The following CPEB1 variants were observed in gnomAD, a reference collection of about 807,000 sequenced individuals.
CPEB1 encodes the protein cytoplasmic polyadenylation element binding protein 1.
CPEB1 carries 7 observed loss-of-function variants against 65.8 expected under a neutral mutation model. The ratio of observed to expected loss-of-function variants is 0.11; its 90% CI spans 0.06 to 0.20. The LOEUF (loss-of-function observed/expected upper bound fraction) is 0.20. Ranked by LOEUF, CPEB1 falls within the 10% of genes least tolerant of loss-of-function variation. The pLI is 1.00. For missense variants in CPEB1, 551 were observed against 712.2 expected (o/e 0.77, Z 2.58); for synonymous variants, 262 against 260.0 (o/e 1.01, Z -0.08).
intron 3 of CPEB1, among the ~76,000 whole-genome samples, chr15:82,583,693 G>A (rs755678184): frequency 4.6e-5 from 7 of 152,092 alleles, no homozygotes; most frequent in African/African-American, 9.7e-5. Flanking sequence ...TATAAAATAG[G>A]CACCTATTTA....
At chr15:82,578,800 TAA>T (rs1315009862) in intron 3 of CPEB1, among the ~76,000 whole-genome samples, 1 of 152,052 alleles carries the variant, frequency 6.6e-6, no homozygotes, top group African/African-American at 2.4e-5. Context: ...ATTCCAGCAA[TAA>T]GTCAGTCATA....
rs1333655026 is a variant in CPEB1 at position 82,544,404 on chromosome 15, C to T, written c.*188G>A. ...CTTGGTACACCCCCTGAAAACAAAACCTGACAAAACTCAATGTGCATTAAT... is the reference window on the plus strand; with the variant it reads ...CTTGGTACACCCCCTGAAAACAAAATCTGACAAAACTCAATGTGCATTAAT... On this transcript the variant is annotated 3_prime_UTR_variant, in exon 13 of 13. Coordinates refer to ENST00000684509, the MANE Select transcript of CPEB1 (RefSeq NM_001365242.1). The T allele has an allele frequency of 7.5e-6, 3 of 402,588 alleles. No individual in the cohort carries two copies. Among genetic ancestry groups the T allele is most frequent in the African/African-American group, 6.5e-5 (3 of 46,488 alleles). 24.9% of individuals were successfully genotyped at this position (402,588 alleles called of 1,614,324 possible). A position where few individuals can be genotyped will look rare whatever the true frequency, so the allele number is the denominator to read the frequency against.
At chr15:82,595,034 G>C (rs2042568997) in intron 3 of CPEB1, among the ~76,000 whole-genome samples, 1 of 152,214 alleles carries the variant, frequency 6.6e-6, no homozygotes. Context: ...AGAATTACCA[G>C]AATGTGGCAC....
At chr15:82,610,622 A>G (rs915554398) in intron 3 of CPEB1, among the ~76,000 whole-genome samples, 3 of 152,108 alleles carry the variant, frequency 2.0e-5, no homozygotes, top group African/African-American at 7.2e-5. Flanking sequence ...AAAATCCAAT[A>G]CCCTTTCATG....
intron 3 of CPEB1, among the ~76,000 whole-genome samples, chr15:82,608,101 C>T (rs1185238833): frequency 2.0e-5 from 3 of 152,224 alleles, no homozygotes; most frequent in African/African-American, 4.8e-5. Context: ...TAATCTAATG[C>T]TTTCTTTCAA....
chr15:82,552,754 C>A, intron 8 of CPEB1, 138 bp from the exon 9 acceptor site: 1 of 939,510 alleles, frequency 1.1e-6, no homozygotes, highest in Non-Finnish European at 1.6e-6. Context: ...CCTGAAAAGT[C>A]GTGTTGAGTG....
intron 3 of CPEB1, among the ~76,000 whole-genome samples, chr15:82,620,642 T>TA (rs892195919): frequency 3.7e-4 from 55 of 147,432 alleles, no homozygotes; most frequent in Admixed American, 1.6e-3. Flanking sequence ...TACAAAAACT[T>TA]AAAAAAAAAA....
At chr15:82,546,888 C>T (rs2035322353) in intron 11 of CPEB1, among the ~76,000 whole-genome samples, 1 of 152,152 alleles carries the variant, frequency 6.6e-6, no homozygotes, top group Non-Finnish European at 1.5e-5. Context: ...CTGAGCAATG[C>T]CAAAGAAATA....
At chr15:82,586,155 T>G (rs2151122781) in intron 3 of CPEB1, among the ~76,000 whole-genome samples, 1 of 151,460 alleles carries the variant, frequency 6.6e-6, no homozygotes, top group East Asian at 1.9e-4. Flanking sequence ...AGAATTTCCT[T>G]GGGTAAGTAT....
chr15:82,554,985 G>A (rs1174198501), intron 6 of CPEB1, among the ~76,000 whole-genome samples: 1 of 152,196 alleles, frequency 6.6e-6, no homozygotes, highest in Non-Finnish European at 1.5e-5. Context: ...ACTATCAGAG[G>A]AGAATGAGAT....
intron 3 of CPEB1, among the ~76,000 whole-genome samples, chr15:82,574,722 C>CAAAAAAAAAAAAAAAAAAA (rs534968367): frequency 3.2e-4 from 17 of 53,502 alleles, no homozygotes; most frequent in African/African-American, 6.6e-4. Context: ...GACTCGGTCT[C>CAAAAAAAAAAAAAAAAAAA]AAAAAAAAAA....
intron 3 of CPEB1, among the ~76,000 whole-genome samples, chr15:82,592,326 G>A (rs1207160095): frequency 1.3e-5 from 2 of 152,032 alleles, no homozygotes; most frequent in South Asian, 2.1e-4. Context: ...GGTGGCTCAC[G>A]CCTGTATTCC....
At chr15:82,571,582 C>A in intron 3 of CPEB1, 50 bp from the exon 4 acceptor site, 1 of 1,568,566 alleles carries the variant, frequency 6.4e-7, no homozygotes, top group Non-Finnish European at 8.6e-7. Context: ...GGGCTGTTTT[C>A]CCCAATATTA....
chr15:82,613,790 A>T (rs1284605693), intron 3 of CPEB1, among the ~76,000 whole-genome samples: 1 of 148,328 alleles, frequency 6.7e-6, no homozygotes, highest in African/African-American at 2.5e-5. Flanking sequence ...CTCCCCTAAG[A>T]CTGGAAACAA....
At chr15:82,647,979 A>T, upstream of CPEB1, 1 of 879,812 alleles carries the variant, frequency 1.1e-6, no homozygotes, top group Non-Finnish European at 1.5e-6. Context: ...GCAGCCCCGC[A>T]CCCCGGCAGC....
intron 3 of CPEB1, among the ~76,000 whole-genome samples, chr15:82,592,906 A>C (rs917316397): frequency 6.6e-6 from 1 of 152,156 alleles, no homozygotes; most frequent in Admixed American, 6.5e-5. Flanking sequence ...CTGAGGCAGG[A>C]GAATCACCTG....
intron 3 of CPEB1, among the ~76,000 whole-genome samples, chr15:82,623,216 C>A (rs1207978782): frequency 6.6e-6 from 1 of 152,216 alleles, no homozygotes; most frequent in Non-Finnish European, 1.5e-5. Flanking sequence ...AGTTCTCAAA[C>A]CAAACCAACC....
At chr15:82,643,689 G>GT (rs1567243895) in intron 1 of CPEB1, among the ~76,000 whole-genome samples, 1 of 151,678 alleles carries the variant, frequency 6.6e-6, no homozygotes, top group African/African-American at 2.4e-5. Context: ...CTTTACATCC[G>GT]TAAGTGTGGC....
At chr15:82,610,958 CAAAAAAAAAAAAAAAA>C (rs60065545) in intron 3 of CPEB1, among the ~76,000 whole-genome samples, 14 of 30,020 alleles carry the variant, frequency 4.7e-4, no homozygotes, top group Middle Eastern at 0.091. Context: ...ACTCCAGTCT[CAAAAAAAAAAAAAAAA>C]AAAAAAAAAA....
Sources: allele counts gnomAD v4.1 joint callset (sites outside exome capture counted in the v4.1 genomes callset), GRCh38; gene constraint gnomAD v4.1.1; transcripts MANE v1.5; gene names NCBI Gene and HGNC (gene_info 2026-07-23, HGNC 2026-07-21).